The following PPP1R37 variants were observed in gnomAD, a reference collection of about 807,000 sequenced individuals.
The protein encoded by PPP1R37 is leucine rich repeat containing 68.
A neutral mutation model predicts 61.0 loss-of-function variants in PPP1R37; 21 were observed. The observed-to-expected ratio is 0.34, with a 90% CI of 0.24 to 0.50. The LOEUF is 0.50. Ranked by LOEUF, PPP1R37 falls within the 20% of genes least tolerant of loss-of-function variation. The pLI, the probability that PPP1R37 is intolerant of heterozygous loss-of-function variation, is 0.98. For synonymous variants in PPP1R37, 443 were observed against 433.5 expected, an observed-to-expected ratio of 1.02 and a Z score of -0.27; for missense variants, 910 against 952.7, an observed-to-expected ratio of 0.96 and a Z score of 0.59.
intron 1 of PPP1R37, among the ~76,000 whole-genome samples, chr19:45,120,312 C>T (rs1172620082): frequency 2.0e-5 from 3 of 152,182 alleles, no homozygotes; most frequent in African/African-American, 7.2e-5. Context: ...CCACCGCACC[C>T]GGCTTTCCCC....
chr19:45,118,287 G>A (rs1968296114), intron 1 of PPP1R37, among the ~76,000 whole-genome samples: 1 of 152,170 alleles, frequency 6.6e-6, no homozygotes, highest in South Asian at 2.1e-4. Flanking sequence ...TGGGAAGCCC[G>A]GGGCCTGTGA....
intron 1 of PPP1R37, among the ~76,000 whole-genome samples, chr19:45,097,646 C>G (rs930060080): frequency 6.6e-6 from 1 of 151,940 alleles, no homozygotes; most frequent in African/African-American, 2.4e-5. Flanking sequence ...CAGGCTTATC[C>G]GGATTCCCAT....
At chr19:45,128,706 A>G in intron 1 of PPP1R37, 6 of 992,768 alleles carry the variant, frequency 6.0e-6, no homozygotes, top group Non-Finnish European at 9.2e-6. Flanking sequence ...GTCTGCTTGG[A>G]AGACTGGCAA....
Position 45,093,246 on chromosome 19 carries a change from G to T in PPP1R37, c.-80G>T, listed in dbSNP as rs1278036789. ...AAGCGGCGGCGGAGCCCATGCCCCGGGACGGCGGGCGGACCCGGAGAGACA... is the reference window on the plus strand; with the variant it reads ...AAGCGGCGGCGGAGCCCATGCCCCGTGACGGCGGGCGGACCCGGAGAGACA... On this transcript the variant is annotated 5_prime_UTR_variant, in exon 1 of 13. Coordinates refer to ENST00000221462, the MANE Select transcript of PPP1R37 (RefSeq NM_019121.2). 1.1e-5 allele frequency: 13 copies of T among 1,171,280 alleles called. No individual in the cohort carries two copies. Among genetic ancestry groups the T allele is most frequent in the Non-Finnish European group, 1.3e-5 (12 of 903,776 alleles). The allele number at this position is 1,171,280 out of a possible 1,614,324, so 72.6% of individuals were successfully genotyped here. A position where few individuals can be genotyped will look rare whatever the true frequency, so the allele number is the denominator to read the frequency against.
At chr19:45,118,079 C>T (rs1479342022) in intron 1 of PPP1R37, among the ~76,000 whole-genome samples, 2 of 152,210 alleles carry the variant, frequency 1.3e-5, no homozygotes, top group East Asian at 1.9e-4. Flanking sequence ...GAGGTTTTTC[C>T]GAACAGGCTC....
At chr19:45,103,931 T>A (rs1968096586) in intron 1 of PPP1R37, among the ~76,000 whole-genome samples, 1 of 152,080 alleles carries the variant, frequency 6.6e-6, no homozygotes. Flanking sequence ...CCACTGTAAC[T>A]ACAGGACAAA....
rs1488043683 is a variant in PPP1R37 at position 45,145,973 on chromosome 19, C to T, written c.1917C>T (p.Pro639=). The T allele has an allele frequency of 5.9e-6, 9 of 1,534,452 alleles. No homozygotes were observed. Among genetic ancestry groups the T allele is most frequent in the Middle Eastern group, 1.7e-4 (1 of 5,976 alleles). ...SGPPLPNGLK[P]EFALALPPEP... is the part of the protein sequence containing the mutation. ...CACCACTGCCCAACGGCCTGAAGCC[C>T]GAGTTCGCCCTGGCACTGCCCCCTG... The change falls in exon 11 of 13, where the codon CCC becomes CCT. Residue 639 remains proline (P), a synonymous_variant. Coordinates refer to ENST00000221462, the MANE Select transcript of PPP1R37 (RefSeq NM_019121.2).
intron 1 of PPP1R37, among the ~76,000 whole-genome samples, chr19:45,126,164 T>C (rs1968402067): frequency 6.6e-6 from 1 of 152,202 alleles, no homozygotes; most frequent in African/African-American, 2.4e-5. Flanking sequence ...TCACCTGCCA[T>C]GAGACTCCCA....
chr19:45,133,272 C>T (rs555647867), intron 1 of PPP1R37, among the ~76,000 whole-genome samples: 65 of 152,192 alleles, frequency 4.3e-4, no homozygotes, highest in African/African-American at 1.2e-3. Flanking sequence ...TTAGTAGAGA[C>T]GGGGTTTCAC....
At chr19:45,135,033 C>T (rs187188460) in intron 1 of PPP1R37, among the ~76,000 whole-genome samples, 4 of 152,206 alleles carry the variant, frequency 2.6e-5, no homozygotes, top group South Asian at 2.1e-4. Flanking sequence ...GCAGATCATG[C>T]GGTCAGGAGT....
In PPP1R37 at chr19:45,145,227, C is replaced by T. The variant is rs1046271141; in HGVS notation, c.1263C>T (p.Arg421=). 6.5e-7 allele frequency: 1 copy of T among 1,534,720 alleles called. No individual in the cohort carries two copies. The highest frequency in any genetic ancestry group is 8.7e-7 in the Non-Finnish European group (1 of 1,146,272). The part of the protein sequence containing the change: ...LALKVNHSLL[R]LDLDREPKKE... ...TCAAGGTGAACCACTCACTGCTGCGCCTGGACCTCGACCGTGAACCCAAGA... is the reference window on the plus strand; with the variant it reads ...TCAAGGTGAACCACTCACTGCTGCGTCTGGACCTCGACCGTGAACCCAAGA... The change falls in exon 10 of 13, where the codon CGC becomes CGT. Residue 421 remains arginine, a synonymous_variant. Transcript: ENST00000221462.
rs138733281 is a variant in PPP1R37, at chr19:45,125,891, G to T, written c.203-12623G>T. On this transcript the variant is annotated intron_variant, in intron 1 of 12. Transcript: ENST00000221462. ...CGTCCTTTCCCAGACCCCACGCCAAGGCAGAGCTCCCTGTGGGATGAGTTT... is the reference window on the plus strand; with the variant it reads ...CGTCCTTTCCCAGACCCCACGCCAATGCAGAGCTCCCTGTGGGATGAGTTT... 3.6e-3 allele frequency among the ~76,000 whole-genome samples: 552 copies of T among 152,348 alleles called. 6 individuals are homozygous for T. The highest frequency in any genetic ancestry group is 4.2e-3 in the Non-Finnish European group (286 of 68,032).
At chr19:45,133,866 G>A (rs920588160) in intron 1 of PPP1R37, among the ~76,000 whole-genome samples, 1 of 152,212 alleles carries the variant, frequency 6.6e-6, no homozygotes, top group African/African-American at 2.4e-5. Flanking sequence ...GTGGTCAGAC[G>A]TGGTGGACCC....
chr19:45,140,753 A>T, intron 4 of PPP1R37, 147 bp downstream of exon 4: 1 of 628,522 alleles, frequency 1.6e-6, no homozygotes. Context: ...GCAGGGCAAG[A>T]GGGAGACATC....
At chr19:45,135,859 T>TA (rs1968533588) in intron 1 of PPP1R37, 1 of 150,920 alleles carries the variant, frequency 6.6e-6, no homozygotes. Context: ...TTTGGCTCAC[T>TA]GTAACCTCTG....
At chr19:45,135,602 T>C (rs1362711376) in intron 1 of PPP1R37, among the ~76,000 whole-genome samples, 4 of 152,322 alleles carry the variant, frequency 2.6e-5, no homozygotes, top group Admixed American at 2.0e-4. Flanking sequence ...ACTTGAACCC[T>C]GGCTTCAGCC....
rs967092950 is a variant in PPP1R37 at position 45,142,206 on chromosome 19, T to A, written c.713T>A (p.Leu238Gln). The change falls in exon 6 of 13, where the codon CTG (leucine) becomes CAG (glutamine). Residue 238 changes from leucine to glutamine, a missense_variant. Physicochemically the swap from Leu to Gln is moderately radical, Grantham distance 113. This residue lies in a region of PPP1R37 where 280 missense variants were observed against 382.2 expected (regional missense o/e 0.73). Coordinates refer to ENST00000221462, the MANE Select transcript of PPP1R37 (RefSeq NM_019121.2). ...AGCCTGTCGGGGCGGCCCCTCATGCTGCTCGGTGAGCCCCAAGCCCGGGAG... is the reference window on the plus strand; with the variant it reads ...AGCCTGTCGGGGCGGCCCCTCATGCAGCTCGGTGAGCCCCAAGCCCGGGAG... ...NASLSGRPLMLLATALKMNMN... is the reference protein window; with the variant it reads ...NASLSGRPLMQLATALKMNMN... The A allele has an allele frequency of 6.5e-7, 1 of 1,533,964 alleles. No individual in the cohort carries two copies. The highest frequency in any genetic ancestry group is 1.4e-5 in the African/African-American group (1 of 73,012).
chr19:45,141,274 C>T lies in PPP1R37; in HGVS notation c.448-48C>T, dbSNP rs547486226. On this transcript the variant is annotated intron_variant, in intron 4 of 12. Coordinates refer to ENST00000221462, the MANE Select transcript of PPP1R37 (RefSeq NM_019121.2). ...CGGTGTCAGGGCCCACGCCTCTCCT[C>T]CAGGGCAGCCCAGAGCTGAGGCTGA... 6.4e-4 allele frequency: 961 copies of T among 1,503,552 alleles called. 1 individual carries two copies. Among genetic ancestry groups the T allele is most frequent in the Middle Eastern group, 1.0e-3 (6 of 5,790 alleles). 93.1% of individuals were successfully genotyped at this position (1,503,552 alleles called of 1,614,324 possible).
intron 1 of PPP1R37, among the ~76,000 whole-genome samples, chr19:45,125,735 G>A (rs944083552): frequency 6.6e-6 from 1 of 152,198 alleles, no homozygotes; most frequent in Non-Finnish European, 1.5e-5. Context: ...CTTTGGGGAG[G>A]ACAGCGGGGA....
Sources: gnomAD v4.1 joint callset for allele counts (sites outside exome capture counted in the v4.1 genomes callset) on GRCh38, gnomAD v4.1.1 for gene constraint, gnomAD v4.1.1 regional missense constraint, MANE v1.5 for transcripts, NCBI Gene and HGNC (gene_info 2026-07-23, HGNC 2026-07-21) for gene names.